The following MTOR variants were observed in gnomAD, a reference collection of about 807,000 sequenced individuals.
The protein encoded by MTOR is serine/threonine-protein kinase mTOR.
In MTOR, 70 loss-of-function variants were observed where a neutral mutation model predicts 319.8. That is an observed-to-expected ratio of 0.22 (90% CI 0.18 to 0.27). The LOEUF is 0.27. MTOR is among the 10% of genes least tolerant of loss of function. The probability of loss-of-function intolerance (pLI) is 1.00; values close to 1 mark genes in which losing one functional copy is unlikely to be tolerated. For missense variants in MTOR, 1,890 were observed against 3,274.4 expected (o/e 0.58, Z 10.32); for synonymous variants, 1,183 against 1,211.4 (o/e 0.98, Z 0.49).
intron 38 of MTOR, 94 bp from the exon 39 acceptor site, chr1:11,130,871 C>T (rs1643114953): frequency 2.1e-6 from 3 of 1,441,134 alleles, no homozygotes; most frequent in Non-Finnish European, 1.8e-6. Context: ...ACAGCTGCTC[C>T]TGCCTGTTCT....
At chr1:11,247,527 G>T in intron 8 of MTOR, 98 bp downstream of exon 8, 1 of 984,058 alleles carries the variant, frequency 1.0e-6, no homozygotes, top group Non-Finnish European at 1.6e-6. Flanking sequence ...GAGATTTGTT[G>T]GCGTTGCTTC....
At position 11,175,550 on chromosome 1, in the gene MTOR, T is replaced by C. The variant is rs193296013; in HGVS notation, c.4254-8033A>G. On this transcript the variant is annotated intron_variant, in intron 28 of 57. Transcript: ENST00000361445. Reference sequence around the variant, plus strand: ...TATAGCAAACATCACACCATTACGCTGAACATCTTATCCCCACTATCCAGA... The same window carrying C: ...TATAGCAAACATCACACCATTACGCCGAACATCTTATCCCCACTATCCAGA... Among the ~76,000 whole-genome samples the C allele has an allele frequency of 2.0e-5, 3 of 152,342 alleles. No homozygotes were observed. The East Asian group carries it at 5.8e-4, about 29-fold the overall frequency.
At chr1:11,157,330 GA>G in intron 29 of MTOR, 39 bp from the exon 30 acceptor site, 12 of 1,599,580 alleles carry the variant, frequency 7.5e-6, no homozygotes, top group Non-Finnish European at 1.0e-5. Context: ...GAGGTACACA[GA>G]AGAAGGGATC....
chr1:11,157,303 G>C lies in MTOR; in HGVS notation c.4330-12C>G. 6.2e-7 allele frequency: 1 copy of C among 1,611,156 alleles called. No individual in the cohort carries two copies. Among genetic ancestry groups the C allele is most frequent in the South Asian group, 1.1e-5 (1 of 90,572 alleles). On this transcript the variant is annotated splice_polypyrimidine_tract_variant and intron_variant, in intron 29 of 57. Coordinates refer to ENST00000361445, the MANE Select transcript of MTOR (RefSeq NM_004958.4). ...GTAGCCTGGATCTCCTGTTACATGG[G>C]AAAGAAAGACTGCTGTGAGGTACAC... is the stretch of plus-strand genomic sequence containing the variant.
In MTOR at chr1:11,111,276, C is replaced by T. The variant is rs150118077; in HGVS notation, c.7367-1547G>A. On this transcript the variant is annotated intron_variant, in intron 54 of 57. Coordinates refer to ENST00000361445, the MANE Select transcript of MTOR (RefSeq NM_004958.4). ...GGCAGATCACTTGAGGTCAGGAGTT[C>T]GAAACCAGCCTGGCCAACGTGGTGA... The T allele has an allele frequency of 4.9e-3, 1,940 of 393,534 alleles. 34 individuals are homozygous for T. The highest frequency in any genetic ancestry group is 0.038 in the African/African-American group (1,776 of 47,032). The allele number at this position is 393,534 out of a possible 1,614,324, so 24.4% of individuals were successfully genotyped here. A position where few individuals can be genotyped will look rare whatever the true frequency, so the allele number is the denominator to read the frequency against.
chr1:11,237,191 C>T (rs1647322326), intron 13 of MTOR, among the ~76,000 whole-genome samples: 1 of 152,112 alleles, frequency 6.6e-6, no homozygotes, highest in African/African-American at 2.4e-5. Flanking sequence ...AATAACTTCA[C>T]CAGGCAGGAC....
intron 28 of MTOR, among the ~76,000 whole-genome samples, chr1:11,177,119 G>T (rs1460017590): frequency 6.6e-6 from 1 of 152,074 alleles, no homozygotes; most frequent in African/African-American, 2.4e-5. Flanking sequence ...TTAGGAAAAA[G>T]AACTTTATAT....
At chr1:11,216,838 TAGACTTCTA>T (rs1646488478) in intron 19 of MTOR, among the ~76,000 whole-genome samples, 1 of 152,154 alleles carries the variant, frequency 6.6e-6, no homozygotes, top group Non-Finnish European at 1.5e-5. Flanking sequence ...ACTTACCTCA[TAGACTTCTA>T]AGGCTTAAAT....
chr1:11,233,601 T>C (rs1647095852), intron 14 of MTOR, 114 bp from the exon 15 acceptor site: 7 of 781,116 alleles, frequency 9.0e-6, no homozygotes, highest in Admixed American at 2.6e-5. Flanking sequence ...AAATTCCTTC[T>C]AGGCTTTATG....
intron 5 of MTOR, among the ~76,000 whole-genome samples, chr1:11,255,547 T>C (rs1241044833): frequency 2.0e-5 from 3 of 152,162 alleles, no homozygotes; most frequent in African/African-American, 4.8e-5. Flanking sequence ...TGATTCATAC[T>C]GAGCATAAAA....
intron 28 of MTOR, among the ~76,000 whole-genome samples, chr1:11,177,724 C>T (rs1645033160): frequency 6.6e-6 from 1 of 152,134 alleles, no homozygotes; most frequent in East Asian, 1.9e-4. Flanking sequence ...AAAGTGTGAG[C>T]CCTTAGAATA....
At chr1:11,206,623 C>A (rs750624499) in intron 25 of MTOR, among the ~76,000 whole-genome samples, 1 of 152,170 alleles carries the variant, frequency 6.6e-6, no homozygotes, top group Non-Finnish European at 1.5e-5. Context: ...AATAGGTTTT[C>A]AAAAAATCAT....
chr1:11,243,163 C>T lies in MTOR; in HGVS notation c.1363G>A (p.Val455Met), dbSNP rs778152958. 3.7e-6 allele frequency: 6 copies of T among 1,614,016 alleles called. No individual in the cohort carries two copies. Among genetic ancestry groups the T allele is most frequent in the East Asian group, 2.2e-5 (1 of 44,878 alleles). ...RSEFKVYLPRVLDIIRAALPP... is the reference protein window; with the variant it reads ...RSEFKVYLPRMLDIIRAALPP... ...AGGGCCGCTCGGATGATGTCCAGCA[C>T]GCGAGGCAAATAGACCTTAAACTCA... Residue 455 changes from valine to methionine, a missense_variant, in exon 9 of 58, where the codon GTG (valine) becomes ATG (methionine). Physicochemically the swap from Val to Met is conservative, Grantham distance 21. Around this residue, in one of 15 missense-constraint regions of MTOR, gnomAD observed 418 missense variants for 543.1 expected, o/e 0.77. Transcript: ENST00000361445.
intron 28 of MTOR, among the ~76,000 whole-genome samples, chr1:11,180,528 T>C (rs1325278288): frequency 6.6e-6 from 1 of 152,138 alleles, no homozygotes; most frequent in Non-Finnish European, 1.5e-5. Context: ...CCAGGCCTGT[T>C]TTCCAGTTTG....
intron 25 of MTOR, among the ~76,000 whole-genome samples, chr1:11,209,076 T>C (rs1380658248): frequency 6.6e-6 from 1 of 152,216 alleles, no homozygotes; most frequent in Admixed American, 6.5e-5. Context: ...GGTTCTACCA[T>C]CCATATTCCA....
chr1:11,161,193 C>T (rs1339902459), intron 29 of MTOR, among the ~76,000 whole-genome samples: 2 of 152,210 alleles, frequency 1.3e-5, no homozygotes, highest in African/African-American at 4.8e-5. Context: ...ATTGCTAGCA[C>T]AGCAGTCTGA....
intron 6 of MTOR, among the ~76,000 whole-genome samples, chr1:11,249,799 A>C (rs1161875799): frequency 7.4e-6 from 1 of 135,790 alleles, no homozygotes; most frequent in African/African-American, 2.9e-5. Context: ...ACAAAATGAA[A>C]AGTCTCCCAT....
chr1:11,110,730 TTC>T (rs1418147708), intron 54 of MTOR, among the ~76,000 whole-genome samples: 1 of 152,070 alleles, frequency 6.6e-6, no homozygotes, highest in Non-Finnish European at 1.5e-5. Context: ...CCATTGGAAG[TTC>T]TTTTTTTTGA....
Position 11,190,845 on chromosome 1 carries a change from A to G in MTOR, c.4253+8413T>C, listed in dbSNP as rs1263609339. On this transcript the variant is annotated intron_variant, in intron 28 of 57. Coordinates refer to ENST00000361445, the MANE Select transcript of MTOR (RefSeq NM_004958.4). ...TGGTCCCATTATAAACTACATGAAG[A>G]ACAAAGACATGATCAGCTTCTACTG... 3.3e-5 allele frequency among the ~76,000 whole-genome samples: 5 copies of G among 152,230 alleles called. No individual in the cohort carries two copies. The East Asian group carries it at 9.6e-4, about 29-fold the overall frequency.
Sources: allele counts gnomAD v4.1 joint callset (sites outside exome capture counted in the v4.1 genomes callset), GRCh38; gene constraint gnomAD v4.1.1; regional missense constraint gnomAD v4.1.1; transcripts MANE v1.5; gene names NCBI Gene and HGNC (gene_info 2026-07-23, HGNC 2026-07-21).